PTK2: variants seen among roughly 807,000 people sequenced by gnomAD.
PTK2 encodes the protein focal adhesion kinase 1.
A neutral mutation model predicts 150.1 loss-of-function variants in PTK2; 45 were observed. The observed-to-expected ratio is 0.30, with a 90% CI of 0.24 to 0.38. The LOEUF (loss-of-function observed/expected upper bound fraction) is 0.38. Ranked by LOEUF, PTK2 falls within the 10% of genes least tolerant of loss-of-function variation. The pLI is 1.00. For synonymous variants in PTK2, 432 were observed against 449.2 expected (o/e 0.96, Z 0.48); for missense variants, 919 against 1,307.3 (o/e 0.70, Z 4.58).
At chr8:140,832,748 C>A in intron 7 of PTK2, 1 of 496,056 alleles carries the variant, frequency 2.0e-6, no homozygotes. Context: ...AAGCTACGCA[C>A]CGAGAACAGA....
chr8:140,668,753 C>T (rs2153024050), intron 29 of PTK2: 1 of 199,508 alleles, frequency 5.0e-6, no homozygotes, highest in South Asian at 1.3e-4. Context: ...AGATAATAAT[C>T]CATCTGGGAA....
intron 11 of PTK2, among the ~76,000 whole-genome samples, chr8:140,803,005 CT>C (rs778981723): frequency 0.011 from 843 of 77,312 alleles, 2 homozygotes; most frequent in Middle Eastern, 0.016. Flanking sequence ...TGATGACAAT[CT>C]TTTTTTTTTT....
At chr8:140,920,811 T>C (rs1426158241) in intron 2 of PTK2, 4 of 1,497,520 alleles carry the variant, frequency 2.7e-6, no homozygotes, top group Admixed American at 2.4e-5. Flanking sequence ...AAGTTATTTA[T>C]ACCTTTAGCC....
chr8:140,683,676 C>G (rs1160814995), intron 27 of PTK2, among the ~76,000 whole-genome samples: 1 of 151,876 alleles, frequency 6.6e-6, no homozygotes, highest in African/African-American at 2.4e-5. Flanking sequence ...GGCTTCACCC[C>G]TGGGATGCAA....
intron 6 of PTK2, 55 bp from the exon 7 acceptor site, chr8:140,846,377 T>C (rs978563505): frequency 2.6e-6 from 4 of 1,552,688 alleles, no homozygotes; most frequent in Non-Finnish European, 3.5e-6. Flanking sequence ...GTTTGTGTTG[T>C]TAAGTGATAA....
chr8:140,740,412 G>A (rs1349751389), intron 20 of PTK2, among the ~76,000 whole-genome samples: 1 of 152,214 alleles, frequency 6.6e-6, no homozygotes, highest in East Asian at 1.9e-4. Flanking sequence ...AGAGCATGGA[G>A]CATGAGCGGC....
At chr8:140,863,405 A>C (rs1269760064) in intron 5 of PTK2, among the ~76,000 whole-genome samples, 3 of 152,202 alleles carry the variant, frequency 2.0e-5, no homozygotes, top group Non-Finnish European at 4.4e-5. Context: ...GCATTTGCTA[A>C]CTAACGTTTT....
At chr8:140,978,725 C>T (rs1178038552) in intron 1 of PTK2, among the ~76,000 whole-genome samples, 2 of 151,892 alleles carry the variant, frequency 1.3e-5, no homozygotes, top group East Asian at 1.9e-4. Flanking sequence ...GATCTAGAAC[C>T]AGAAATACCA....
At chr8:140,877,633 TGAC>T (rs1439291521) in intron 4 of PTK2, among the ~76,000 whole-genome samples, 2 of 152,222 alleles carry the variant, frequency 1.3e-5, no homozygotes, top group Admixed American at 6.5e-5. Flanking sequence ...CAGCCACTTA[TGAC>T]GACAAGGCAT....
chr8:140,812,603 C>A (rs2100102251), intron 10 of PTK2, among the ~76,000 whole-genome samples: 1 of 152,022 alleles, frequency 6.6e-6, no homozygotes, highest in Non-Finnish European at 1.5e-5. Flanking sequence ...GGATAAAGAA[C>A]CAAGATTCAT....
intron 21 of PTK2, among the ~76,000 whole-genome samples, 200 bp from the exon 25 acceptor site, chr8:140,735,655 T>C (rs915683260): frequency 2.0e-5 from 3 of 152,174 alleles, no homozygotes; most frequent in Admixed American, 1.3e-4. Context: ...AATGTTAAAT[T>C]ATTATCAAGA....
chr8:140,702,679 A>C (rs1382321037), exon 25 of PTK2: 1 of 1,614,076 alleles, frequency 6.2e-7, no homozygotes, highest in East Asian at 2.2e-5. Context: ...CATGGCTGTG[A>C]TTCCATGTGA....
chr8:140,731,100 C>CAT (rs2100049030), intron 22 of PTK2, among the ~76,000 whole-genome samples: 1 of 151,856 alleles, frequency 6.6e-6, no homozygotes, highest in African/African-American at 2.4e-5. Context: ...CCTGGGATTA[C>CAT]AGGTGCCTGC....
intron 1 of PTK2, among the ~76,000 whole-genome samples, chr8:140,972,319 C>T (rs2154609666): frequency 6.6e-6 from 1 of 152,198 alleles, no homozygotes; most frequent in Non-Finnish European, 1.5e-5. Flanking sequence ...GGCTGGAGTA[C>T]AGTGGCATGA....
intron 22 of PTK2, among the ~76,000 whole-genome samples, chr8:140,719,002 C>A (rs1170146985): frequency 6.6e-6 from 1 of 152,030 alleles, no homozygotes; most frequent in Non-Finnish European, 1.5e-5. Context: ...ATAGTGAAAC[C>A]CCACCTCTAC....
In PTK2 at chr8:140,874,641, T is replaced by C. The variant is rs375193410; in HGVS notation, c.362+4830A>G. On this transcript the variant is annotated intron_variant, in intron 4 of 31. Transcript: ENST00000522684. The stretch of plus-strand genomic sequence containing the variant: ...AAAGTTATTAAGCCTTTCCAAAGTA[T>C]GGCTTTCTCACAAGCAAAATGGCAA... 1.1e-4 allele frequency among the ~76,000 whole-genome samples: 17 copies of C among 152,270 alleles called. No individual in the cohort carries two copies. In the South Asian group the frequency reaches 3.1e-3, roughly 28 times the overall value.
intron 22 of PTK2, among the ~76,000 whole-genome samples, chr8:140,725,244 C>A (rs753546918): frequency 7.3e-5 from 11 of 151,526 alleles, no homozygotes; most frequent in Non-Finnish European, 1.5e-4. Context: ...TGTGATCCTC[C>A]CATCTCAGCC....
At chr8:140,980,012 G>C (rs1344895772) in intron 1 of PTK2, among the ~76,000 whole-genome samples, 1 of 152,182 alleles carries the variant, frequency 6.6e-6, no homozygotes, top group Non-Finnish European at 1.5e-5. Context: ...TAACTACTTT[G>C]GGAAGCAATT....
chr8:140,748,654 A>C (rs1199543049), intron 17 of PTK2, among the ~76,000 whole-genome samples: 1 of 152,186 alleles, frequency 6.6e-6, no homozygotes, highest in Non-Finnish European at 1.5e-5. Flanking sequence ...CAGTAACATG[A>C]GTTTGACCGC....
Sources: allele counts gnomAD v4.1 joint callset (sites outside exome capture counted in the v4.1 genomes callset), GRCh38; gene constraint gnomAD v4.1.1; transcripts MANE v1.5; gene names NCBI Gene and HGNC (gene_info 2026-07-23, HGNC 2026-07-21).